Variants in MRPS28 observed in about 807,000 individuals in gnomAD.
The protein encoded by MRPS28 is small ribosomal subunit protein bS1m.
In MRPS28, 7 loss-of-function variants were observed where a neutral mutation model predicts 10.8. The ratio of observed to expected loss-of-function variants is 0.65; its 90% CI spans 0.37 to 1.22. The LOEUF is 1.22. MRPS28 is among the 50% of genes most tolerant of loss of function. MRPS28 has a pLI of 0.02. For missense variants in MRPS28, 265 were observed against 232.9 expected (o/e 1.14, Z -0.90); for synonymous variants, 121 against 93.3 (o/e 1.30, Z -1.71).
intron 2 of MRPS28, among the ~76,000 whole-genome samples, chr8:79,979,737 T>C (rs1426438061): frequency 6.6e-6 from 1 of 151,520 alleles, no homozygotes; most frequent in Non-Finnish European, 1.5e-5. Context: ...CCCTCCCCAA[T>C]CTCTTCCTTC....
At chr8:79,993,574 T>A (rs1355262144) in intron 2 of MRPS28, among the ~76,000 whole-genome samples, 1 of 152,218 alleles carries the variant, frequency 6.6e-6, no homozygotes, top group African/African-American at 2.4e-5. Context: ...GATCATACTT[T>A]ATAATTTGAT....
intron 2 of MRPS28, among the ~76,000 whole-genome samples, chr8:79,922,377 A>C (rs1210763382): frequency 6.6e-6 from 1 of 152,092 alleles, no homozygotes; most frequent in Non-Finnish European, 1.5e-5. Flanking sequence ...TTTCAGTTAG[A>C]TAGGAGGAGT....
At chr8:79,963,267 T>C (rs1807418316) in intron 2 of MRPS28, among the ~76,000 whole-genome samples, 1 of 152,184 alleles carries the variant, frequency 6.6e-6, no homozygotes, top group Admixed American at 6.6e-5. Context: ...AGTATCCATC[T>C]TGTTGATCTT....
chr8:79,919,976 T>C (rs1462825640), intron 2 of MRPS28, among the ~76,000 whole-genome samples: 10 of 128,568 alleles, frequency 7.8e-5, no homozygotes, highest in Non-Finnish European at 4.7e-5. Flanking sequence ...GTGTGTGATG[T>C]TCCCCTTCCT....
At chr8:79,947,159 T>C (rs746524288) in intron 2 of MRPS28, among the ~76,000 whole-genome samples, 4 of 152,110 alleles carry the variant, frequency 2.6e-5, no homozygotes, top group Non-Finnish European at 4.4e-5. Context: ...AGTATGAAGA[T>C]GCAGTAAAAT....
rs201430403 is a variant in MRPS28 at position 79,919,158 on chromosome 8, TAA to T, written c.396-12_396-11del. The T allele has an allele frequency of 4.6e-4, 567 of 1,229,142 alleles. No individual in the cohort carries two copies. Among genetic ancestry groups the T allele is most frequent in the South Asian group, 1.4e-3 (93 of 64,772 alleles). The allele number at this position is 1,229,142 out of a possible 1,614,324, so 76.1% of individuals were successfully genotyped here. ...TCCTTTCTGGTATTTCCTAAATAGT[TAA>T]AAAAAAAAAAATCCATTAATTCTGA... On this transcript the variant is annotated splice_polypyrimidine_tract_variant and intron_variant, in intron 2 of 2. Transcript: ENST00000276585.
chr8:79,932,916 A>C (rs1443236360), intron 2 of MRPS28, among the ~76,000 whole-genome samples: 2 of 152,184 alleles, frequency 1.3e-5, no homozygotes, highest in South Asian at 2.1e-4. Context: ...TCAGGAACAA[A>C]ACCACTCCTT....
At chr8:80,023,565 T>A (rs1809426893) in intron 1 of MRPS28, among the ~76,000 whole-genome samples, 1 of 152,164 alleles carries the variant, frequency 6.6e-6, no homozygotes, top group Non-Finnish European at 1.5e-5. Context: ...CATTTAAAAA[T>A]ATTTGCATGA....
chr8:79,972,097 C>A (rs1414273851), intron 2 of MRPS28, among the ~76,000 whole-genome samples: 1 of 152,158 alleles, frequency 6.6e-6, no homozygotes, highest in East Asian at 1.9e-4. Context: ...ATTTCTACAT[C>A]TGCAGATTCA....
chr8:79,929,828 G>A (rs1461917299), intron 2 of MRPS28, among the ~76,000 whole-genome samples: 2 of 152,058 alleles, frequency 1.3e-5, no homozygotes, highest in Non-Finnish European at 2.9e-5. Context: ...TGAATTAGAT[G>A]ACTTTCAAGA....
At chr8:80,014,901 T>A (rs1056801992) in intron 1 of MRPS28, among the ~76,000 whole-genome samples, 4 of 152,188 alleles carry the variant, frequency 2.6e-5, no homozygotes, top group African/African-American at 4.8e-5. Context: ...TCTTCTTAGA[T>A]GCATCTGAGA....
chr8:79,986,206 G>T (rs1273577180), intron 2 of MRPS28, among the ~76,000 whole-genome samples: 1 of 152,144 alleles, frequency 6.6e-6, no homozygotes, highest in Admixed American at 6.5e-5. Context: ...TGCAGAAAAG[G>T]CCTTTGACAA....
At chr8:79,967,120 C>A (rs1028055545) in intron 2 of MRPS28, among the ~76,000 whole-genome samples, 1 of 152,136 alleles carries the variant, frequency 6.6e-6, no homozygotes, top group Non-Finnish European at 1.5e-5. Context: ...CTTTTGACAA[C>A]AGGCAAGAAA....
chr8:79,949,186 C>T (rs1807012089), intron 2 of MRPS28, among the ~76,000 whole-genome samples: 2 of 152,108 alleles, frequency 1.3e-5, no homozygotes, highest in South Asian at 2.1e-4. Context: ...GAGGCCAAGG[C>T]GGATGGATCA....
chr8:79,991,122 G>A (rs1808352598), intron 2 of MRPS28, among the ~76,000 whole-genome samples: 1 of 152,200 alleles, frequency 6.6e-6, no homozygotes, highest in Non-Finnish European at 1.5e-5. Context: ...AAAGCTGATT[G>A]AGTGGATGCA....
At chr8:80,003,636 T>C (rs1378690439) in intron 1 of MRPS28, among the ~76,000 whole-genome samples, 1 of 152,158 alleles carries the variant, frequency 6.6e-6, no homozygotes. Context: ...CTGGTGCTTG[T>C]CGGACAGCGG....
chr8:79,925,979 C>A, intron 2 of MRPS28, among the ~76,000 whole-genome samples: 1 of 146,810 alleles, frequency 6.8e-6, no homozygotes, highest in African/African-American at 2.5e-5. Flanking sequence ...AGAGCAAGAC[C>A]CTGTAGAGAA....
At chr8:79,951,442 C>T (rs776838371) in intron 2 of MRPS28, among the ~76,000 whole-genome samples, 4 of 152,176 alleles carry the variant, frequency 2.6e-5, no homozygotes, top group Non-Finnish European at 5.9e-5. Flanking sequence ...GGCACACAGG[C>T]AGCAATCCCT....
At chr8:79,998,297 T>G (rs1458379585) in intron 2 of MRPS28, among the ~76,000 whole-genome samples, 1 of 152,198 alleles carries the variant, frequency 6.6e-6, no homozygotes, top group Non-Finnish European at 1.5e-5. Context: ...TTCTGAGTCA[T>G]TCTGATTTGT....
Sources: gnomAD v4.1 joint callset for allele counts (sites outside exome capture counted in the v4.1 genomes callset) on GRCh38, gnomAD v4.1.1 for gene constraint, MANE v1.5 for transcripts, NCBI Gene and HGNC (gene_info 2026-07-23, HGNC 2026-07-21) for gene names.